The following CMTM8 variants were observed in gnomAD, a reference collection of about 807,000 sequenced individuals.
CMTM8 encodes CKLF like MARVEL transmembrane domain containing 8.
CMTM8 carries 12 observed loss-of-function variants against 18.6 expected under a neutral mutation model. The ratio of observed to expected loss-of-function variants is 0.65; its 90% CI spans 0.41 to 1.05. The LOEUF (loss-of-function observed/expected upper bound fraction) is 1.05, where lower values mean the gene tolerates loss of function less well. CMTM8 is among the 50% of genes least tolerant of loss of function. The pLI is 0.00. For missense variants in CMTM8, 217 were observed against 227.2 expected (o/e 0.95, Z 0.29); for synonymous variants, 87 against 90.6 (o/e 0.96, Z 0.23).
intron 1 of CMTM8, among the ~76,000 whole-genome samples, chr3:32,354,845 C>T (rs893645140): frequency 6.6e-6 from 1 of 152,204 alleles, no homozygotes; most frequent in Non-Finnish European, 1.5e-5. Flanking sequence ...GATTACCTGT[C>T]AGAGTCAATT....
intron 1 of CMTM8, among the ~76,000 whole-genome samples, chr3:32,340,467 T>C (rs1575184016): frequency 6.6e-6 from 1 of 152,236 alleles, no homozygotes; most frequent in Non-Finnish European, 1.5e-5. Flanking sequence ...TCTTCCGTTG[T>C]ATAATCTTCT....
At chr3:32,314,768 C>T (rs562506029) in intron 1 of CMTM8, among the ~76,000 whole-genome samples, 18 of 152,218 alleles carry the variant, frequency 1.2e-4, no homozygotes, top group East Asian at 1.2e-3. Flanking sequence ...TGAGCCTCCA[C>T]GCCAGGGCTA....
At chr3:32,257,698 A>T (rs143690375) in intron 1 of CMTM8, among the ~76,000 whole-genome samples, 1 of 152,046 alleles carries the variant, frequency 6.6e-6, no homozygotes, top group East Asian at 1.9e-4. Flanking sequence ...TTCTTTGTTT[A>T]CCGAGAGACC....
intron 1 of CMTM8, among the ~76,000 whole-genome samples, chr3:32,290,056 G>C (rs59028164): frequency 1.4e-3 from 211 of 152,262 alleles, no homozygotes; most frequent in African/African-American, 4.9e-3. Flanking sequence ...CAAGGCTGTA[G>C]TGAGCTGAGA....
chr3:32,341,932 A>G (rs975142146), intron 1 of CMTM8, among the ~76,000 whole-genome samples: 12 of 151,536 alleles, frequency 7.9e-5, no homozygotes, highest in Admixed American at 6.6e-5. Context: ...TGGTTTTCCT[A>G]TCTATAAAAT....
intron 1 of CMTM8, among the ~76,000 whole-genome samples, chr3:32,261,177 A>AT (rs929313743): frequency 1.8e-4 from 27 of 152,060 alleles, no homozygotes; most frequent in African/African-American, 6.3e-4. Context: ...CTCAAAAAAA[A>AT]AAAAAAGAAT....
chr3:32,328,917 A>G (rs1425040133), intron 1 of CMTM8, among the ~76,000 whole-genome samples: 1 of 152,196 alleles, frequency 6.6e-6, no homozygotes, highest in Non-Finnish European at 1.5e-5. Context: ...AGAAGAATTA[A>G]CACCAGTCCT....
At chr3:32,296,611 A>G (rs1474574402) in intron 1 of CMTM8, among the ~76,000 whole-genome samples, 1 of 152,186 alleles carries the variant, frequency 6.6e-6, no homozygotes, top group Admixed American at 6.5e-5. Context: ...ATCACTTACC[A>G]TTCTGGGGCA....
At chr3:32,369,835 AT>A in intron 3 of CMTM8, 48 bp from the exon 4 acceptor site, 1 of 1,239,306 alleles carries the variant, frequency 8.1e-7, no homozygotes, top group Non-Finnish European at 1.2e-6. Context: ...ACTTTTGCTA[AT>A]TAGGATGTGC....
intron 1 of CMTM8, among the ~76,000 whole-genome samples, chr3:32,318,532 A>T (rs191918188): frequency 6.0e-4 from 90 of 149,224 alleles, no homozygotes; most frequent in African/African-American, 2.0e-3. Flanking sequence ...ATAAAATCAC[A>T]TCTGCCCACC....
At chr3:32,277,687 T>C (rs1333349057) in intron 1 of CMTM8, among the ~76,000 whole-genome samples, 1 of 152,210 alleles carries the variant, frequency 6.6e-6, no homozygotes, top group African/African-American at 2.4e-5. Context: ...GGACCAGAAA[T>C]GATACTGGGC....
chr3:32,367,001 T>C (rs73827204), intron 2 of CMTM8, among the ~76,000 whole-genome samples: 9,422 of 152,192 alleles, frequency 0.062, 684 homozygotes, highest in African/African-American at 0.18. Flanking sequence ...TGTAGCTTTT[T>C]TTTCTCTGAG....
chr3:32,321,629 C>T (rs1335611999), intron 1 of CMTM8, among the ~76,000 whole-genome samples: 1 of 152,170 alleles, frequency 6.6e-6, no homozygotes, highest in Non-Finnish European at 1.5e-5. Flanking sequence ...CAGAGTCTTA[C>T]TCCCATCCCC....
At chr3:32,286,975 T>C (rs973702372) in intron 1 of CMTM8, among the ~76,000 whole-genome samples, 1 of 152,362 alleles carries the variant, frequency 6.6e-6, no homozygotes, top group Non-Finnish European at 1.5e-5. Flanking sequence ...GCTCTGAGCG[T>C]GGGCAGATCT....
chr3:32,368,534 CACT>C, intron 3 of CMTM8, among the ~76,000 whole-genome samples: 1 of 149,788 alleles, frequency 6.7e-6, no homozygotes, highest in South Asian at 2.1e-4. Context: ...AATTATAGCT[CACT>C]GCAACCTGGA....
chr3:32,308,970 C>T (rs966343736), intron 1 of CMTM8, among the ~76,000 whole-genome samples: 4 of 152,112 alleles, frequency 2.6e-5, no homozygotes, highest in African/African-American at 9.7e-5. Context: ...GGGATTGGCC[C>T]CTGTCTTCAG....
intron 1 of CMTM8, among the ~76,000 whole-genome samples, chr3:32,303,517 A>G (rs12107664): frequency 0.59 from 90,408 of 152,010 alleles, 27,475 homozygotes; most frequent in East Asian, 0.74. Context: ...CTTATCTTCA[A>G]ATTTGAGGCA....
chr3:32,285,475 T>C (rs1294536695), intron 1 of CMTM8, among the ~76,000 whole-genome samples: 1 of 149,586 alleles, frequency 6.7e-6, no homozygotes, highest in African/African-American at 2.5e-5. Flanking sequence ...ATGACGCCAC[T>C]ACACTCCAGC....
rs1219918922 is a variant in CMTM8 at position 32,358,368 on chromosome 3, C to T, written c.321+822C>T. Among the ~76,000 whole-genome samples, 3 of 152,122 alleles carry T rather than the reference C, an allele frequency of 2.0e-5. No individual in the cohort carries two copies. The highest frequency in any genetic ancestry group is 2.0e-4 in the Admixed American group (3 of 15,276). ...GCATTGACAATCTGGTTGGCAAATT[C>T]AAAGTAGCTAAATGATTTACAAAAA... is the stretch of plus-strand genomic sequence containing the variant. On this transcript the variant is annotated intron_variant, in intron 2 of 3. Transcript: ENST00000307526. The surrounding 1 kb of genome is among the most constrained non-coding windows in gnomAD (Gnocchi z 4.1).
Sources: allele counts gnomAD v4.1 joint callset (sites outside exome capture counted in the v4.1 genomes callset), GRCh38; gene constraint gnomAD v4.1.1; non-coding constraint Gnocchi (gnomAD v3.1); transcripts MANE v1.5; gene names NCBI Gene and HGNC (gene_info 2026-07-23, HGNC 2026-07-21).